PRMT8: variants seen among roughly 807,000 people sequenced by gnomAD.
PRMT8 encodes the protein protein arginine N-methyltransferase 8.
Under a neutral mutation model 47.1 loss-of-function variants are expected in PRMT8, and 7 were observed. The observed-to-expected ratio is 0.15, with a 90% CI of 0.08 to 0.28. The LOEUF (loss-of-function observed/expected upper bound fraction) is 0.28. Among genes scored for constraint, PRMT8 ranks in the 10% least tolerant of loss-of-function variants. The pLI is 1.00. For missense variants in PRMT8, 237 were observed against 505.4 expected, an observed-to-expected ratio of 0.47 and a Z score of 5.09; for synonymous variants, 188 against 186.5, an observed-to-expected ratio of 1.01 and a Z score of -0.07.
At chr12:3,505,192 G>A (rs752658272) in intron 1 of PRMT8, among the ~76,000 whole-genome samples, 1 of 152,134 alleles carries the variant, frequency 6.6e-6, no homozygotes, top group East Asian at 1.9e-4. Flanking sequence ...GCTGTAGACC[G>A]GAGCTGTTCC....
intron 2 of PRMT8, among the ~76,000 whole-genome samples, chr12:3,548,016 G>A (rs1173963604): frequency 1.3e-5 from 2 of 152,194 alleles, no homozygotes; most frequent in African/African-American, 2.4e-5. Context: ...TAATATAAAG[G>A]TGCAGCAGTC....
chr12:3,384,753 C>T (rs540616073), intron 1 of PRMT8, among the ~76,000 whole-genome samples: 8 of 152,232 alleles, frequency 5.3e-5, no homozygotes, highest in South Asian at 2.1e-4. Flanking sequence ...AGAATGGAAA[C>T]GGGAGTGGAG....
intron 1 of PRMT8, among the ~76,000 whole-genome samples, chr12:3,464,597 GT>G (rs1428996368): frequency 5.9e-5 from 9 of 152,000 alleles, no homozygotes; most frequent in African/African-American, 2.2e-4. Flanking sequence ...GCTAGATGGG[GT>G]TAACAAAAAT....
At position 3,552,865 on chromosome 12, in the gene PRMT8, C is replaced by T. The variant is rs1291344860; in HGVS notation, c.418-786C>T. 6.8e-6 allele frequency: 3 copies of T among 440,788 alleles called. No homozygotes were observed. Among genetic ancestry groups the T allele is most frequent in the African/African-American group, 6.1e-5 (3 of 49,454 alleles). 27.3% of individuals were successfully genotyped at this position (440,788 alleles called of 1,614,324 possible). The stretch of plus-strand genomic sequence containing the variant: ...TAGAGCCCAGGGCCTTAGCACAGGC[C>T]AGCCTCTGTAAGAGAGCCGGCTCCG... On this transcript the variant is annotated intron_variant, in intron 3 of 9. Transcript: ENST00000382622. This position sits in a 1 kb window ranked among gnomAD's most constrained non-coding sequence, Gnocchi z 4.5.
intron 1 of PRMT8, among the ~76,000 whole-genome samples, chr12:3,452,769 C>G (rs1864933842): frequency 6.6e-6 from 1 of 152,210 alleles, no homozygotes; most frequent in Non-Finnish European, 1.5e-5. Flanking sequence ...AAGACCTGGA[C>G]TGGGGAACGT....
chr12:3,593,279 GA>G lies in PRMT8; in HGVS notation c.*101del. 6.7e-6 allele frequency: 7 copies of G among 1,037,726 alleles called. No homozygotes were observed. Among genetic ancestry groups the G allele is most frequent in the Non-Finnish European group, 1.0e-5 (7 of 700,624 alleles). The allele number at this position is 1,037,726 out of a possible 1,614,324, so 64.3% of individuals were successfully genotyped here. A position where few individuals can be genotyped will look rare whatever the true frequency, so the allele number is the denominator to read the frequency against. On this transcript the variant is annotated 3_prime_UTR_variant, in exon 10 of 10. Transcript: ENST00000382622. This position sits in a 1 kb window ranked among gnomAD's most constrained non-coding sequence, Gnocchi z 4.8. The stretch of plus-strand genomic sequence containing the variant: ...ATACCGTTTGCAGGACTACACACTT[GA>G]AAACCAGAGTTTTCAACTCTGCCTT...
intron 1 of PRMT8, among the ~76,000 whole-genome samples, chr12:3,526,646 T>C (rs1032435676): frequency 1.8e-4 from 27 of 152,232 alleles, no homozygotes; most frequent in African/African-American, 6.3e-4. Flanking sequence ...TTCATATATT[T>C]TGTGGCTCTT....
intron 1 of PRMT8, among the ~76,000 whole-genome samples, chr12:3,531,730 T>C (rs1353409916): frequency 3.3e-5 from 5 of 152,170 alleles, no homozygotes; most frequent in Non-Finnish European, 4.4e-5. Flanking sequence ...TCCCTACCAG[T>C]GACCGGCCCA....
chr12:3,413,714 G>A (rs914732916), intron 1 of PRMT8, among the ~76,000 whole-genome samples: 6 of 152,142 alleles, frequency 3.9e-5, no homozygotes, highest in East Asian at 3.9e-4. Flanking sequence ...TTCCATATGC[G>A]GTGTGTCGTT....
chr12:3,574,305 C>T (rs1013916720), intron 6 of PRMT8, among the ~76,000 whole-genome samples: 1 of 152,232 alleles, frequency 6.6e-6, no homozygotes, highest in East Asian at 1.9e-4. Flanking sequence ...CAGTAAAGAT[C>T]ATGTACCCCA....
chr12:3,403,166 A>G (rs1177759982), intron 1 of PRMT8, among the ~76,000 whole-genome samples: 1 of 152,236 alleles, frequency 6.6e-6, no homozygotes, highest in Non-Finnish European at 1.5e-5. Flanking sequence ...TGTCCTTTGC[A>G]GGGACATGGA....
At chr12:3,581,372 T>C (rs1242426009) in intron 7 of PRMT8, among the ~76,000 whole-genome samples, 1 of 152,154 alleles carries the variant, frequency 6.6e-6, no homozygotes, top group Non-Finnish European at 1.5e-5. Flanking sequence ...GTGTGAACTT[T>C]CTTCATTAGT....
chr12:3,533,806 C>T (rs1345756239), intron 1 of PRMT8, among the ~76,000 whole-genome samples: 1 of 152,234 alleles, frequency 6.6e-6, no homozygotes, highest in Non-Finnish European at 1.5e-5. Flanking sequence ...CCCAGCAGAG[C>T]CCTTGCTTGT....
Position 3,416,862 on chromosome 12 carries a change from G to A in PRMT8, c.48+35420G>A, listed in dbSNP as rs1864488715. 2.0e-5 allele frequency among the ~76,000 whole-genome samples: 3 copies of A among 152,338 alleles called. No homozygotes were observed. The South Asian group carries it at 6.2e-4, about 32-fold the overall frequency. ...GGAGATTGCGCTGCTGCAGGCTTAA[G>A]TACATTTTCTCAGATGTGGGGCAGG... is the stretch of plus-strand genomic sequence containing the variant. On this transcript the variant is annotated intron_variant, in intron 1 of 9. Transcript: ENST00000452611.
chr12:3,450,464 A>G (rs1426863454), intron 1 of PRMT8, among the ~76,000 whole-genome samples: 1 of 152,244 alleles, frequency 6.6e-6, no homozygotes, highest in Non-Finnish European at 1.5e-5. Flanking sequence ...ACAATAGCAG[A>G]TGCAGGTTTT....
Position 3,454,298 on chromosome 12 carries a change from C to G in PRMT8, c.48+72856C>G, listed in dbSNP as rs191652679. 1.1e-4 allele frequency among the ~76,000 whole-genome samples: 16 copies of G among 152,306 alleles called. No homozygotes were observed. The East Asian group carries it at 3.1e-3, about 29-fold the overall frequency. ...ATTCCCAGGACCTGGTTCCTCAAGG[C>G]GGCTGCTGTTGGCTCAGACATCCCC... On this transcript the variant is annotated intron_variant, in intron 1 of 9. Transcript: ENST00000452611.
intron 1 of PRMT8, among the ~76,000 whole-genome samples, chr12:3,412,991 G>C (rs1420953294): frequency 6.6e-6 from 1 of 152,224 alleles, no homozygotes; most frequent in Non-Finnish European, 1.5e-5. Context: ...AGCCCTCTAG[G>C]CTTCTTTATT....
At chr12:3,520,479 C>T (rs1179221868) in intron 1 of PRMT8, among the ~76,000 whole-genome samples, 1 of 152,226 alleles carries the variant, frequency 6.6e-6, no homozygotes, top group African/African-American at 2.4e-5. Flanking sequence ...AACCTAACTC[C>T]AGCCAGTTTC....
At position 3,593,118 on chromosome 12, in the gene PRMT8, T is replaced by C; in HGVS notation, c.1121T>C (p.Val374Ala). 1 of 1,614,092 alleles carries C rather than the reference T, an allele frequency of 6.2e-7. No individual in the cohort carries two copies. The highest frequency in any genetic ancestry group is 8.5e-7 in the Non-Finnish European group (1 of 1,179,972). Residue 374 changes from valine to alanine, a missense_variant, in exon 10 of 10, where the codon GTA (valine) becomes GCA (alanine). Val to Ala is a moderately conservative substitution (Grantham distance 64). Transcript: ENST00000382622. The surrounding 1 kb of genome is among the most constrained non-coding windows in gnomAD (Gnocchi z 4.8). ...TTGCAGCGAGACCTCGATTTCACAG[T>C]AGACTTGGATTTTAAGGGACAGCTG... ...AKNVRDLDFT[V>A]DLDFKGQLCE... is the part of the protein sequence containing the mutation.
Sources: allele counts gnomAD v4.1 joint callset (sites outside exome capture counted in the v4.1 genomes callset), GRCh38; gene constraint gnomAD v4.1.1; non-coding constraint Gnocchi (gnomAD v3.1); transcripts MANE v1.5; gene names NCBI Gene and HGNC (gene_info 2026-07-23, HGNC 2026-07-21).